The following AGPAT1 variants were observed in gnomAD, a reference collection of about 807,000 sequenced individuals.
AGPAT1 encodes 1-acylglycerol-3-phosphate O-acyltransferase 1, also known as 1-acyl-sn-glycerol-3-phosphate acyltransferase alpha.
AGPAT1 carries 6 observed loss-of-function variants against 31.2 expected under a neutral mutation model. The ratio of observed to expected loss-of-function variants is 0.19; its 90% CI spans 0.11 to 0.38. AGPAT1 has a LOEUF of 0.38. Among genes scored for constraint, AGPAT1 ranks in the 10% least tolerant of loss-of-function variants. AGPAT1 has a pLI of 1.00. For missense variants in AGPAT1, 187 were observed against 377.8 expected (o/e 0.49, Z 4.19); for synonymous variants, 139 against 154.0 (o/e 0.90, Z 0.72).
chr6:32,176,772 A>G (rs1271615690), upstream of AGPAT1: 1 of 366,218 alleles, frequency 2.7e-6, no homozygotes, highest in Non-Finnish European at 4.9e-6. Flanking sequence ...CAGTCTCCTT[A>G]CTTGCCCAAG....
In AGPAT1 at chr6:32,175,589, C is replaced by T. The variant is rs1785469697; in HGVS notation, c.-10+225G>A. Among the ~76,000 whole-genome samples, 1 of 152,040 alleles carries T rather than the reference C, an allele frequency of 6.6e-6. No homozygotes were observed. The highest frequency in any genetic ancestry group is 6.5e-5 in the Admixed American group (1 of 15,280). ...CTGTGCACGCTCCCAGTCCCAAATT[C>T]ACAAGGGTTTCCATTTCTCCTCCCT... On this transcript the variant is annotated intron_variant, in intron 1 of 6. Transcript: ENST00000375107. This position sits in a 1 kb window ranked among gnomAD's most constrained non-coding sequence, Gnocchi z 4.5.
chr6:32,176,633 G>T, upstream of AGPAT1: 1 of 490,366 alleles, frequency 2.0e-6, no homozygotes, highest in Non-Finnish European at 2.7e-6. Context: ...TCTCCCAGCA[G>T]TCCAGCTCCC....
rs1561847397 is a variant in AGPAT1 at position 32,171,140 on chromosome 6, C to T, written c.201-70G>A. The T allele has an allele frequency of 1.9e-6, 3 of 1,590,740 alleles. No homozygotes were observed. The highest frequency in any genetic ancestry group is 1.1e-5 in the South Asian group (1 of 88,078). Reference sequence around the variant, plus strand: ...CATCTGCATGCCTCAGCTCCCCCCACCTTACTGTCTTTCTGACCACCTTTG... The same window carrying T: ...CATCTGCATGCCTCAGCTCCCCCCATCTTACTGTCTTTCTGACCACCTTTG... On this transcript the variant is annotated intron_variant, in intron 2 of 6. Coordinates refer to ENST00000375107, the MANE Select transcript of AGPAT1 (RefSeq NM_006411.4). The surrounding 1 kb of genome is among the most constrained non-coding windows in gnomAD (Gnocchi z 6.9).
rs1785499804 is a variant in AGPAT1 at position 32,175,900 on chromosome 6, CTGTCGGGG to C, written c.-104_-97del. On this transcript the variant is annotated 5_prime_UTR_variant, in exon 1 of 7. Transcript: ENST00000375107. This position sits in a 1 kb window ranked among gnomAD's most constrained non-coding sequence, Gnocchi z 4.5. ...GTGGCGGATGGCTGTGTCTCTGTCT[CTGTCGGGG>C]TGTCGGTGCCAAGGGGGCGACGGGA... The C allele has an allele frequency of 3.0e-6, 3 of 986,404 alleles. No individual in the cohort carries two copies. Among genetic ancestry groups the C allele is most frequent in the Non-Finnish European group, 3.6e-6 (3 of 830,802 alleles). 61.1% of individuals were successfully genotyped at this position (986,404 alleles called of 1,614,324 possible). A position where few individuals can be genotyped will look rare whatever the true frequency, so the allele number is the denominator to read the frequency against.
Position 32,168,320 on chromosome 6 carries a change from C to T in AGPAT1, c.*956G>A, listed in dbSNP as rs1249187467. On this transcript the variant is annotated 3_prime_UTR_variant, in exon 7 of 7. Coordinates refer to ENST00000375107, the MANE Select transcript of AGPAT1 (RefSeq NM_006411.4). This position sits in a 1 kb window ranked among gnomAD's most constrained non-coding sequence, Gnocchi z 4.5. The stretch of plus-strand genomic sequence containing the variant: ...TCTCCTTTTGCTCCCAGCCTACCTC[C>T]CCAGTTGTGGGAACAGGTCTGGAGT... 1 of 259,012 alleles carries T rather than the reference C, an allele frequency of 3.9e-6. No homozygotes were observed. The highest frequency in any genetic ancestry group is 7.4e-6 in the Non-Finnish European group (1 of 134,798). 16.0% of individuals were successfully genotyped at this position (259,012 alleles called of 1,614,324 possible). A position where few individuals can be genotyped will look rare whatever the true frequency, so the allele number is the denominator to read the frequency against.
chr6:32,172,317 A>G lies in AGPAT1; in HGVS notation c.-9-812T>C, dbSNP rs951979492. Among the ~76,000 whole-genome samples the G allele has an allele frequency of 6.6e-6, 1 of 152,178 alleles. No homozygotes were observed. The highest frequency in any genetic ancestry group is 1.5e-5 in the Non-Finnish European group (1 of 68,032). On this transcript the variant is annotated intron_variant, in intron 1 of 6. Transcript: ENST00000375107. The surrounding 1 kb of genome is among the most constrained non-coding windows in gnomAD (Gnocchi z 4.3). The stretch of plus-strand genomic sequence containing the variant: ...ATGGAGTGAGACTCCATTTCCAAAA[A>G]AAAAAAAAGAAATTATAATCTTTTG...
In AGPAT1 at chr6:32,169,798, C is replaced by T. The variant is rs952704525; in HGVS notation, c.679+168G>A. The T allele has an allele frequency of 1.5e-6, 1 of 666,410 alleles. No individual in the cohort carries two copies. Among genetic ancestry groups the T allele is most frequent in the Non-Finnish European group, 2.6e-6 (1 of 384,832 alleles). The allele number at this position is 666,410 out of a possible 1,614,324, so 41.3% of individuals were successfully genotyped here. On this transcript the variant is annotated intron_variant, in intron 6 of 6. Coordinates refer to ENST00000375107, the MANE Select transcript of AGPAT1 (RefSeq NM_006411.4). This position sits in a 1 kb window ranked among gnomAD's most constrained non-coding sequence, Gnocchi z 5.9. ...GTGGGACCAAGTGCTACCCATCTGG[C>T]AGGGTATGGTGGGTGCTTAGTAAAG...
chr6:32,169,253 G>A lies in AGPAT1; in HGVS notation c.*23C>T, dbSNP rs765410606. On this transcript the variant is annotated 3_prime_UTR_variant, in exon 7 of 7. Transcript: ENST00000375107. This position sits in a 1 kb window ranked among gnomAD's most constrained non-coding sequence, Gnocchi z 5.9. ...GTGGGGAGGAAGATGGGGACAGATG[G>A]GAGGAGAGCTCAGAGCCAGGGTTCA... The A allele has an allele frequency of 6.2e-7, 1 of 1,610,276 alleles. No homozygotes were observed. The highest frequency in any genetic ancestry group is 1.3e-5 in the African/African-American group (1 of 74,866).
In AGPAT1 at chr6:32,173,071, A is replaced by C. The variant is rs79690458; in HGVS notation, c.-9-1566T>G. The stretch of plus-strand genomic sequence containing the variant: ...CCTCACCAAGTGAAAAAAGGAGGGA[A>C]TGGAGTAAAGGTGACCTAACAGCAC... On this transcript the variant is annotated intron_variant, in intron 1 of 6. Transcript: ENST00000375107. This position sits in a 1 kb window ranked among gnomAD's most constrained non-coding sequence, Gnocchi z 4.7. 6.6e-6 allele frequency: 1 copy of C among 152,166 alleles called. No homozygotes were observed. Among genetic ancestry groups the C allele is most frequent in the Non-Finnish European group, 1.5e-5 (1 of 68,020 alleles). The allele number at this position is 152,166 out of a possible 1,614,324, so 9.4% of individuals were successfully genotyped here. A position where few individuals can be genotyped will look rare whatever the true frequency, so the allele number is the denominator to read the frequency against.
At chr6:32,176,090 C>A (rs1457977098), upstream of AGPAT1, 2 of 985,456 alleles carry the variant, frequency 2.0e-6, no homozygotes, top group Non-Finnish European at 2.4e-6. Flanking sequence ...CCGCTATTCC[C>A]CCGCCACCCC....
rs1165978290 is a variant in AGPAT1, at chr6:32,175,340, T to A, written c.-10+474A>T. 6.6e-6 allele frequency among the ~76,000 whole-genome samples: 1 copy of A among 152,166 alleles called. No homozygotes were observed. The highest frequency in any genetic ancestry group is 1.5e-5 in the Non-Finnish European group (1 of 68,028). On this transcript the variant is annotated intron_variant, in intron 1 of 6. Transcript: ENST00000375107. The surrounding 1 kb of genome is among the most constrained non-coding windows in gnomAD (Gnocchi z 4.5). Reference sequence around the variant, plus strand: ...GCACACAGACTCAATGTAGAAAACATGGCTCCCATAAGGCATTTGTGTGTC... The same window carrying A: ...GCACACAGACTCAATGTAGAAAACAAGGCTCCCATAAGGCATTTGTGTGTC...
rs147855051 is a variant in AGPAT1, at chr6:32,170,231, C to T, written c.540G>A (p.Thr180=). The part of the protein sequence containing the change: ...DVRVWVFPEG[T]RNHNGSMLPF... Reference sequence around the variant, plus strand: ...GCAGCATGGAGCCATTGTGGTTTCTCGTTCCCTCAGGAAACACCCAGACCC... The same window carrying T: ...GCAGCATGGAGCCATTGTGGTTTCTTGTTCCCTCAGGAAACACCCAGACCC... The change falls in exon 5 of 7, where the codon ACG becomes ACA. Residue 180 remains threonine, a synonymous_variant. Transcript: ENST00000375107. The surrounding 1 kb of genome is among the most constrained non-coding windows in gnomAD (Gnocchi z 7.7). The T allele has an allele frequency of 1.5e-5, 25 of 1,613,834 alleles. 1 individual carries two copies. Among genetic ancestry groups the T allele is most frequent in the South Asian group, 1.4e-4 (13 of 91,030 alleles).
rs1465445380 is a variant in AGPAT1 at position 32,171,763 on chromosome 6, T to G, written c.-9-258A>C. 1 of 588,414 alleles carries G rather than the reference T, an allele frequency of 1.7e-6. No individual in the cohort carries two copies. The highest frequency in any genetic ancestry group is 3.0e-6 in the Non-Finnish European group (1 of 331,022). 36.4% of individuals were successfully genotyped at this position (588,414 alleles called of 1,614,324 possible). Reference sequence around the variant, plus strand: ...AGACAAGAGACACAAGACACAGACATCTACAATTCACAGATACCTGATAAT... The same window carrying G: ...AGACAAGAGACACAAGACACAGACAGCTACAATTCACAGATACCTGATAAT... On this transcript the variant is annotated intron_variant, in intron 1 of 6. Transcript: ENST00000375107. This position sits in a 1 kb window ranked among gnomAD's most constrained non-coding sequence, Gnocchi z 6.9.
Position 32,170,806 on chromosome 6 carries a change from C to A in AGPAT1, c.334+131G>T. The A allele has an allele frequency of 7.6e-7, 1 of 1,317,708 alleles. No homozygotes were observed. The highest frequency in any genetic ancestry group is 1.1e-6 in the Non-Finnish European group (1 of 940,280). The allele number at this position is 1,317,708 out of a possible 1,614,324, so 81.6% of individuals were successfully genotyped here. On this transcript the variant is annotated intron_variant, in intron 3 of 6. Transcript: ENST00000375107. The surrounding 1 kb of genome is among the most constrained non-coding windows in gnomAD (Gnocchi z 7.7). ...GGCAGTTCTACCCAGGGAATGAAGG[C>A]CTGAGTGGGAGGCAAGGGGGCAATG...
Position 32,170,561 on chromosome 6 carries a change from G to A in AGPAT1, c.374C>T (p.Ala125Val). The change falls in exon 4 of 7, where the codon GCC becomes GTC. Residue 125 changes from alanine (A) to valine (V), a missense_variant. By Grantham distance (64) the Ala-to-Val change is moderately conservative (BLOSUM62 0). Transcript: ENST00000375107. The surrounding 1 kb of genome is among the most constrained non-coding windows in gnomAD (Gnocchi z 7.7). ...EVLPGRCVPIAKRELLWAGSA... is the reference protein window; with the variant it reads ...EVLPGRCVPIVKRELLWAGSA... ...GCCAGCCCACAGTAGCTCGCGCTTG[G>A]CAATGGGCACACAGCGGCCTGGCAG... 5 of 1,612,708 alleles carry A rather than the reference G, an allele frequency of 3.1e-6. No individual in the cohort carries two copies. Among genetic ancestry groups the A allele is most frequent in the Non-Finnish European group, 3.4e-6 (4 of 1,180,040 alleles).
In AGPAT1 at chr6:32,175,866, G is replaced by A. The variant is rs1785497355; in HGVS notation, c.-62C>T. The stretch of plus-strand genomic sequence containing the variant: ...TGGCCCCCTCCCCAGCCAGGCTGCG[G>A]CAGCGGTGGTGGCGGATGGCTGTGT... On this transcript the variant is annotated 5_prime_UTR_variant, in exon 1 of 7. Coordinates refer to ENST00000375107, the MANE Select transcript of AGPAT1 (RefSeq NM_006411.4). The surrounding 1 kb of genome is among the most constrained non-coding windows in gnomAD (Gnocchi z 4.5). The A allele has an allele frequency of 6.1e-6, 6 of 986,450 alleles. No individual in the cohort carries two copies. The allele number at this position is 986,450 out of a possible 1,614,324, so 61.1% of individuals were successfully genotyped here.
chr6:32,175,372 G>T lies in AGPAT1; in HGVS notation c.-10+442C>A, dbSNP rs1044074901. Among the ~76,000 whole-genome samples, 2 of 152,154 alleles carry T rather than the reference G, an allele frequency of 1.3e-5. No homozygotes were observed. Among genetic ancestry groups the T allele is most frequent in the African/African-American group, 4.8e-5 (2 of 41,430 alleles). On this transcript the variant is annotated intron_variant, in intron 1 of 6. Coordinates refer to ENST00000375107, the MANE Select transcript of AGPAT1 (RefSeq NM_006411.4). The surrounding 1 kb of genome is among the most constrained non-coding windows in gnomAD (Gnocchi z 4.5). The stretch of plus-strand genomic sequence containing the variant: ...CATAAGGCATTTGTGTGTCAGTAAG[G>T]GTCTAGCAGTGTGGAAGGCCACTGA...
At position 32,170,829 on chromosome 6, in the gene AGPAT1, A is replaced by G. The variant is rs534472271; in HGVS notation, c.334+108T>C. The G allele has an allele frequency of 1.4e-6, 2 of 1,430,090 alleles. No homozygotes were observed. Among genetic ancestry groups the G allele is most frequent in the South Asian group, 1.3e-5 (1 of 79,392 alleles). The allele number at this position is 1,430,090 out of a possible 1,614,324, so 88.6% of individuals were successfully genotyped here. On this transcript the variant is annotated intron_variant, in intron 3 of 6. Coordinates refer to ENST00000375107, the MANE Select transcript of AGPAT1 (RefSeq NM_006411.4). The surrounding 1 kb of genome is among the most constrained non-coding windows in gnomAD (Gnocchi z 7.7). ...GGCCTGAGTGGGAGGCAAGGGGGCA[A>G]TGTCCCAGAGGAAGGGGAATTGAGG...
Position 32,170,778 on chromosome 6 carries a change from G to A in AGPAT1, c.334+159C>T. 1.6e-6 allele frequency: 2 copies of A among 1,235,528 alleles called. No individual in the cohort carries two copies. The highest frequency in any genetic ancestry group is 2.3e-5 in the East Asian group (1 of 42,830). 76.5% of individuals were successfully genotyped at this position (1,235,528 alleles called of 1,614,324 possible). A position where few individuals can be genotyped will look rare whatever the true frequency, so the allele number is the denominator to read the frequency against. On this transcript the variant is annotated intron_variant, in intron 3 of 6. Coordinates refer to ENST00000375107, the MANE Select transcript of AGPAT1 (RefSeq NM_006411.4). The surrounding 1 kb of genome is among the most constrained non-coding windows in gnomAD (Gnocchi z 7.7). ...CCAAAAGTATATGTAACCTGCTTAT[G>A]AGGGCAGTTCTACCCAGGGAATGAA... is the stretch of plus-strand genomic sequence containing the variant.
Sources: gnomAD v4.1 joint callset for allele counts (sites outside exome capture counted in the v4.1 genomes callset) on GRCh38, gnomAD v4.1.1 for gene constraint, Gnocchi (gnomAD v3.1) non-coding constraint, MANE v1.5 for transcripts, NCBI Gene and HGNC (gene_info 2026-07-23, HGNC 2026-07-21) for gene names.